Variants in CIMAP1D observed in about 807,000 individuals in gnomAD.
The protein encoded by CIMAP1D is protein CIMAP1D.
chr19:481,122 TGGGAAGGATGATG>T, the CIMAP1D span, among the ~76,000 whole-genome samples: 1 of 57,488 alleles, frequency 1.7e-5, no homozygotes, highest in Admixed American at 1.9e-4. Flanking sequence ...AGAAGGAATG[TGGGAAGGATGATG>T]GGGAAGGATG....
At chr19:478,858 C>T in the CIMAP1D span, among the ~76,000 whole-genome samples, 1 of 152,214 alleles carries the variant, frequency 6.6e-6, no homozygotes, top group Non-Finnish European at 1.5e-5. Context: ...TTGTTCTCAC[C>T]GTAATTAGGA....
At chr19:471,233 C>G in the CIMAP1D span, among the ~76,000 whole-genome samples, 2 of 152,126 alleles carry the variant, frequency 1.3e-5, no homozygotes, top group Non-Finnish European at 2.9e-5. Flanking sequence ...ACTGCAGCAT[C>G]TGCCTCCCGG....
the CIMAP1D span, chr19:490,118 G>C: frequency 2.5e-6 from 1 of 393,832 alleles, no homozygotes; most frequent in Non-Finnish European, 4.5e-6. Flanking sequence ...CACTGTGGGA[G>C]GCCGAGGCAG....
the CIMAP1D span, chr19:472,703 A>G: frequency 1.9e-6 from 1 of 524,192 alleles, no homozygotes; most frequent in East Asian, 3.3e-5. Context: ...ACAGAGGAAA[A>G]GCTGGGGACA....
At chr19:478,657 T>C in the CIMAP1D span, among the ~76,000 whole-genome samples, 2 of 152,276 alleles carry the variant, frequency 1.3e-5, no homozygotes, top group South Asian at 2.1e-4. Context: ...AGATGAGCCC[T>C]GATTTTAATC....
chr19:463,484 G>A, the CIMAP1D span: 1 of 338,492 alleles, frequency 3.0e-6, no homozygotes. Context: ...GCTGTGATGG[G>A]GATCCAGGCC....
the CIMAP1D span, chr19:472,671 C>A: frequency 1.9e-6 from 1 of 529,400 alleles, no homozygotes. Flanking sequence ...GTGATGCCTG[C>A]ATTGTGAGTC....
chr19:475,162 C>T, the CIMAP1D span, among the ~76,000 whole-genome samples: 1 of 152,014 alleles, frequency 6.6e-6, no homozygotes, highest in Non-Finnish European at 1.5e-5. Flanking sequence ...GGCGTGGCCC[C>T]GTTTCTACAC....
chr19:486,347 C>T, the CIMAP1D span, among the ~76,000 whole-genome samples: 2 of 152,170 alleles, frequency 1.3e-5, no homozygotes, highest in East Asian at 3.9e-4. Flanking sequence ...GCCTGATACA[C>T]CCGGTCCAAC....
the CIMAP1D span, among the ~76,000 whole-genome samples, chr19:470,523 T>A: frequency 6.6e-6 from 1 of 152,242 alleles, no homozygotes; most frequent in South Asian, 2.1e-4. Flanking sequence ...TAGGCTAAGT[T>A]CTTAAGCCAG....
chr19:464,390 G>T, the CIMAP1D span: 3 of 1,381,260 alleles, frequency 2.2e-6, no homozygotes, highest in Non-Finnish European at 3.0e-6. Context: ...AGGAAAGGTG[G>T]CACTGATGTC....
the CIMAP1D span, chr19:489,983 G>A: frequency 1.3e-5 from 5 of 398,378 alleles, no homozygotes; most frequent in Admixed American, 1.8e-4. Context: ...CCCAGAAGCG[G>A]AGCGGGAGCC....
the CIMAP1D span, among the ~76,000 whole-genome samples, chr19:470,796 C>T: frequency 0.021 from 3,255 of 152,380 alleles, 57 homozygotes; most frequent in Non-Finnish European, 0.032. Flanking sequence ...CTGAGACCTG[C>T]TGGCCCGTGG....
At chr19:479,413 G>T in the CIMAP1D span, among the ~76,000 whole-genome samples, 229 of 27,120 alleles carry the variant, frequency 8.4e-3, 2 homozygotes, top group African/African-American at 0.032. Flanking sequence ...TTTTTTTTTG[G>T]GGGGGGGGGG....
At chr19:474,612 G>A in the CIMAP1D span, 8 of 1,539,684 alleles carry the variant, frequency 5.2e-6, no homozygotes, top group Non-Finnish European at 7.0e-6. Context: ...CCCCACGGCT[G>A]GCACGCACCG....
At chr19:472,374 C>T in the CIMAP1D span, 7 of 1,391,414 alleles carry the variant, frequency 5.0e-6, no homozygotes, top group South Asian at 5.7e-5. Flanking sequence ...AGCCTCCAGC[C>T]GCCCACTCGC....
At chr19:480,573 G>A in the CIMAP1D span, among the ~76,000 whole-genome samples, 1,395 of 144,440 alleles carry the variant, frequency 9.7e-3, 1 homozygote, top group African/African-American at 0.024. Flanking sequence ...GATGGAGAAC[G>A]ATGATGGAGA....
chr19:476,345 G>A, the CIMAP1D span, among the ~76,000 whole-genome samples: 8 of 151,900 alleles, frequency 5.3e-5, no homozygotes, highest in East Asian at 3.9e-4. Context: ...GAGCCACCGC[G>A]CCCAGCCAAT....
the CIMAP1D span, among the ~76,000 whole-genome samples, chr19:474,074 G>T: frequency 6.6e-6 from 1 of 152,094 alleles, no homozygotes; most frequent in Non-Finnish European, 1.5e-5. Context: ...GACGCCATGT[G>T]TTGTGGCTTC....
Sources: gnomAD v4.1 joint callset for allele counts (sites outside exome capture counted in the v4.1 genomes callset) on GRCh38, gnomAD v4.1.1 for gene constraint, MANE v1.5 for transcripts, NCBI Gene and HGNC (gene_info 2026-07-23, HGNC 2026-07-21) for gene names.